The following MAPK10 variants were observed in gnomAD, a reference collection of about 807,000 sequenced individuals.
The protein encoded by MAPK10 is mitogen-activated protein kinase 10.
A neutral mutation model predicts 59.3 loss-of-function variants in MAPK10; 25 were observed. The observed-to-expected ratio is 0.42, with a 90% CI of 0.31 to 0.59. The LOEUF is 0.59. MAPK10 is among the 20% of genes least tolerant of loss of function. MAPK10 has a pLI of 0.15. For missense variants in MAPK10, 351 were observed against 568.9 expected (o/e 0.62, Z 3.90); for synonymous variants, 190 against 200.5 (o/e 0.95, Z 0.44).
chr4:86,208,806 G>C (rs1002269468), intron 2 of MAPK10, among the ~76,000 whole-genome samples: 23 of 152,062 alleles, frequency 1.5e-4, no homozygotes, highest in Non-Finnish European at 2.8e-4. Context: ...AATTGTCCCT[G>C]TTTGCAGGAT....
At position 86,011,015 on chromosome 4, in the gene MAPK10, T is replaced by G. The variant is rs1179688014; in HGVS notation, c.*6213A>C. ...TTCCCTCAAATTATTTTATGTTGGA[T>G]TTTACACCAGGATAGGAATGTCTTT... On this transcript the variant is annotated 3_prime_UTR_variant, in exon 14 of 14. Transcript: ENST00000641462. The G allele has an allele frequency of 1.3e-5, 2 of 152,186 alleles. No homozygotes were observed. The highest frequency in any genetic ancestry group is 2.9e-5 in the Non-Finnish European group (2 of 68,044). 9.4% of individuals were successfully genotyped at this position (152,186 alleles called of 1,614,324 possible). A position where few individuals can be genotyped will look rare whatever the true frequency, so the allele number is the denominator to read the frequency against.
In MAPK10 at chr4:86,427,284, G is replaced by T. The variant is rs1226397931; in HGVS notation, c.-122+25746C>A. On this transcript the variant is annotated intron_variant, in intron 1 of 13. Transcript: ENST00000361569. ...AAAAAAAAAAAAAAAAAAAATTAAA[G>T]CTGCATTAATTGATCAAATATGGTT... is the stretch of plus-strand genomic sequence containing the variant. 3.3e-5 allele frequency among the ~76,000 whole-genome samples: 5 copies of T among 149,778 alleles called. No individual in the cohort carries two copies. In the East Asian group the frequency reaches 9.8e-4, roughly 29 times the overall value.
chr4:86,194,254 G>T, intron 3 of MAPK10, 82 bp downstream of exon 3: 1 of 1,044,156 alleles, frequency 9.6e-7, no homozygotes, highest in Non-Finnish European at 1.5e-6. Flanking sequence ...TGACTTTGGT[G>T]TGGAATGTAT....
At chr4:86,282,600 T>G (rs1317265695) in intron 2 of MAPK10, among the ~76,000 whole-genome samples, 1 of 152,166 alleles carries the variant, frequency 6.6e-6, no homozygotes, top group Non-Finnish European at 1.5e-5. Flanking sequence ...AACATATAAT[T>G]TAAAATTTTC....
intron 3 of MAPK10, among the ~76,000 whole-genome samples, chr4:86,190,391 G>T (rs950803425): frequency 4.6e-5 from 7 of 152,002 alleles, no homozygotes; most frequent in Non-Finnish European, 7.4e-5. Context: ...TTTTTTGGTT[G>T]GTAGGCTATT....
intron 1 of MAPK10, among the ~76,000 whole-genome samples, chr4:86,382,583 G>A (rs746978118): frequency 6.6e-6 from 1 of 152,138 alleles, no homozygotes; most frequent in Non-Finnish European, 1.5e-5. Context: ...GCATAAAGTC[G>A]GAGCGCAATA....
At chr4:86,038,707 T>C (rs1441464373) in intron 11 of MAPK10, among the ~76,000 whole-genome samples, 1 of 152,178 alleles carries the variant, frequency 6.6e-6, no homozygotes, top group Non-Finnish European at 1.5e-5. Context: ...GCATGTCCAA[T>C]TTTTCTCTAA....
At chr4:86,112,791 C>G (rs937853544) in intron 4 of MAPK10, among the ~76,000 whole-genome samples, 1 of 152,128 alleles carries the variant, frequency 6.6e-6, no homozygotes, top group Non-Finnish European at 1.5e-5. Flanking sequence ...TCTCGATGAT[C>G]TGCCTAATAT....
intron 2 of MAPK10, among the ~76,000 whole-genome samples, chr4:86,232,815 T>C (rs1446994585): frequency 6.6e-6 from 1 of 152,214 alleles, no homozygotes; most frequent in Non-Finnish European, 1.5e-5. Flanking sequence ...TAAGTTCCCT[T>C]TCTCTTCCTC....
Position 86,082,364 on chromosome 4 carries a change from A to G in MAPK10, c.803-14409T>C, listed in dbSNP as rs560420143. ...TCACTTGTTTAATATAAAATATTTT[A>G]TAATTTCTTAAGTAAAAATGTCAGC... On this transcript the variant is annotated intron_variant, in intron 9 of 13. Transcript: ENST00000641462. 5 of 152,330 alleles carry G rather than the reference A, an allele frequency of 3.3e-5. No individual in the cohort carries two copies. In the East Asian group the frequency reaches 9.6e-4, roughly 29 times the overall value. The allele number at this position is 152,330 out of a possible 1,614,324, so 9.4% of individuals were successfully genotyped here.
chr4:86,465,310 A>G (rs574594976), intron 1 of MAPK10, among the ~76,000 whole-genome samples: 11 of 152,330 alleles, frequency 7.2e-5, no homozygotes, highest in African/African-American at 2.4e-4. Context: ...AATGCCCCAG[A>G]CTATACTAGC....
chr4:86,581,919 A>ATATATAT (rs1762329850), intron 1 of MAPK10, among the ~76,000 whole-genome samples: 1 of 114,122 alleles, frequency 8.8e-6, no homozygotes, highest in Non-Finnish European at 1.9e-5. Context: ...ATATATATAT[A>ATATATAT]TATATATATA....
chr4:86,184,796 A>G (rs980301023), intron 3 of MAPK10, among the ~76,000 whole-genome samples: 2 of 152,154 alleles, frequency 1.3e-5, no homozygotes, highest in Admixed American at 1.3e-4. Flanking sequence ...CCTGTGCCAC[A>G]TTTCTTGTAC....
chr4:86,012,057 T>A lies in MAPK10; in HGVS notation c.*5171A>T, dbSNP rs1489347261. 1.3e-5 allele frequency: 2 copies of A among 152,194 alleles called. No individual in the cohort carries two copies. The highest frequency in any genetic ancestry group is 2.9e-5 in the Non-Finnish European group (2 of 68,024). The allele number at this position is 152,194 out of a possible 1,614,324, so 9.4% of individuals were successfully genotyped here. On this transcript the variant is annotated 3_prime_UTR_variant, in exon 14 of 14. Coordinates refer to ENST00000641462, the MANE Select transcript of MAPK10 (RefSeq NM_138982.4). ...ATAGTTAAAATGAATAGAAATCTGA[T>A]AATTAATCTGGGAAATTTAACCCTG...
chr4:86,414,064 A>G (rs1745545538), intron 1 of MAPK10, among the ~76,000 whole-genome samples: 1 of 146,746 alleles, frequency 6.8e-6, no homozygotes, highest in African/African-American at 2.4e-5. Context: ...GACCCCGCAT[A>G]ATTTATTTTC....
At chr4:86,227,689 T>C (rs770800273) in intron 2 of MAPK10, among the ~76,000 whole-genome samples, 4 of 152,042 alleles carry the variant, frequency 2.6e-5, no homozygotes, top group Non-Finnish European at 5.9e-5. Flanking sequence ...CAAAAAAATA[T>C]GTAGCCTAAA....
intron 4 of MAPK10, chr4:86,124,326 T>C (rs2059729274): frequency 6.6e-6 from 1 of 152,000 alleles, no homozygotes; most frequent in Non-Finnish European, 1.5e-5. Flanking sequence ...AGAATCACTT[T>C]ATTACAAAAT....
chr4:86,065,910 G>A (rs554519713), intron 10 of MAPK10, among the ~76,000 whole-genome samples: 9 of 152,024 alleles, frequency 5.9e-5, no homozygotes, highest in Admixed American at 1.3e-4. Flanking sequence ...AAACAACTTG[G>A]CTAATTCTAC....
At position 86,322,547 on chromosome 4, in the gene MAPK10, G is replaced by A. The variant is rs779559711; in HGVS notation, c.-7+31983C>T. On this transcript the variant is annotated intron_variant, in intron 2 of 13. Transcript: ENST00000641462. Reference sequence around the variant, plus strand: ...TTGAAGAACTCAAAAGAGAAGAAGCGACAGTACCTTGGAGGCACTCCTGTG... The same window carrying A: ...TTGAAGAACTCAAAAGAGAAGAAGCAACAGTACCTTGGAGGCACTCCTGTG... 3.3e-5 allele frequency among the ~76,000 whole-genome samples: 5 copies of A among 152,212 alleles called. No individual in the cohort carries two copies. In the East Asian group the frequency reaches 7.7e-4, roughly 23 times the overall value.
Sources: allele counts gnomAD v4.1 joint callset (sites outside exome capture counted in the v4.1 genomes callset), GRCh38; gene constraint gnomAD v4.1.1; transcripts MANE v1.5; gene names NCBI Gene and HGNC (gene_info 2026-07-23, HGNC 2026-07-21).